Variants in ALG13 observed in about 807,000 individuals in gnomAD.
The protein encoded by ALG13 is ALG13 UDP-N-acetylglucosaminyltransferase subunit, also known as UDP-N-acetylglucosamine transferase subunit ALG13.
ALG13 carries 11 observed loss-of-function variants against 87.8 expected under a neutral mutation model. That is an observed-to-expected ratio of 0.13 (90% CI 0.08 to 0.21). ALG13 has a LOEUF of 0.21. Among genes scored for constraint, ALG13 ranks in the 10% least tolerant of loss-of-function variants. The pLI, the probability that ALG13 is intolerant of heterozygous loss-of-function variation, is 1.00. For synonymous variants in ALG13, 320 were observed against 306.3 expected (o/e 1.04, Z -0.47); for missense variants, 756 against 866.1 (o/e 0.87, Z 1.60).
In ALG13 at chrX:111,684,947, T is replaced by C; in HGVS notation, c.245-18T>C. 2.5e-6 allele frequency: 3 copies of C among 1,187,870 alleles called. No individual in the cohort carries two copies. The highest frequency in any genetic ancestry group is 3.4e-6 in the Non-Finnish European group (3 of 884,817). On this transcript the variant is annotated intron_variant, in intron 2 of 26. Transcript: ENST00000394780. ...CTTATTTCAAATTGTGTTGAACAAA[T>C]TTGATTTATATTTGTAGGTGCAGGA...
At chrX:111,728,048 T>C in intron 18 of ALG13, 137 bp from the exon 19 acceptor site, 1 of 837,521 alleles carries the variant, frequency 1.2e-6, no homozygotes. Flanking sequence ...ATGGAAAACA[T>C]TTAATTACAG....
chrX:111,687,256 A>G (rs937817785), intron 3 of ALG13, among the ~76,000 whole-genome samples: 4 of 112,674 alleles, frequency 3.6e-5, no homozygotes, highest in Non-Finnish European at 7.5e-5. Flanking sequence ...ATAATTGGTT[A>G]TATTTTCATT....
At chrX:111,683,324 C>CTTTT (rs1487158124) in intron 2 of ALG13, among the ~76,000 whole-genome samples, 4 of 93,283 alleles carry the variant, frequency 4.3e-5, no homozygotes, top group Admixed American at 2.3e-4. Context: ...TCCTTTCTTT[C>CTTTT]TATTTTTTTT....
chrX:111,690,914 C>T (rs1011813392), intron 3 of ALG13, among the ~76,000 whole-genome samples: 4 of 111,033 alleles, frequency 3.6e-5, no homozygotes, highest in East Asian at 2.8e-4. Context: ...GGTATAAGCA[C>T]GTAATTCCTC....
intron 21 of ALG13, among the ~76,000 whole-genome samples, chrX:111,732,795 C>T (rs1942839494): frequency 9.0e-6 from 1 of 111,694 alleles, no homozygotes; most frequent in African/African-American, 3.3e-5. Flanking sequence ...GTTCTTTCTC[C>T]TTCCCTTACT....
chrX:111,682,648 C>T (rs1179431074), intron 2 of ALG13, among the ~76,000 whole-genome samples: 1 of 112,017 alleles, frequency 8.9e-6, no homozygotes, highest in African/African-American at 3.3e-5. Context: ...CTGTAGTCCA[C>T]CTTTACAATA....
chrX:111,734,946 G>T (rs1943090882), intron 21 of ALG13, 105 bp from the exon 22 acceptor site: 8 of 542,793 alleles, frequency 1.5e-5, no homozygotes, highest in Non-Finnish European at 2.1e-5. Flanking sequence ...TTCCAAATTT[G>T]AATTTTTTCA....
Position 111,759,988 on chromosome X carries a change from C to T in ALG13, c.3403C>T (p.Gln1135Ter). Residue 1135 changes from glutamine to a stop codon, truncating the protein, a stop_gained, in exon 27 of 27, where the codon CAG (glutamine) becomes TAG (stop). Coordinates refer to ENST00000394780, the MANE Select transcript of ALG13 (RefSeq NM_001099922.3). LOFTEE classifies it high-confidence loss of function. ...TCCCCCAGCTTCTCATTATGTACCT[C>T]AGGGTATGTAAGATCCAGCAGTATG... ...PSPPASHYVP[Q>*]GM The T allele has an allele frequency of 1.7e-6, 2 of 1,210,715 alleles. No individual in the cohort carries two copies. The highest frequency in any genetic ancestry group is 2.2e-6 in the Non-Finnish European group (2 of 894,987).
intron 8 of ALG13, among the ~76,000 whole-genome samples, chrX:111,717,541 C>CTTTTT (rs773345817): frequency 6.2e-5 from 5 of 81,266 alleles, no homozygotes; most frequent in Admixed American, 1.3e-4. Context: ...CTAAGTGTTC[C>CTTTTT]TTTTTTTTTT....
rs750257151 is a variant in ALG13 at position 111,744,814 on chromosome X, G to A, written c.2842G>A (p.Asp948Asn). 21 of 1,165,896 alleles carry A rather than the reference G, an allele frequency of 1.8e-5. No homozygotes were observed. Among genetic ancestry groups the A allele is most frequent in the Non-Finnish European group, 2.4e-5 (21 of 874,806 alleles). ...TCCTCCTCCTCCTCCTCCTGCTCTTGATGTGGGAGAGACTTCAAACTTACA... is the reference window on the plus strand; with the variant it reads ...TCCTCCTCCTCCTCCTCCTGCTCTTAATGTGGGAGAGACTTCAAACTTACA... ...PPPPPPPPAL[D>N]VGETSNLQPP... Residue 948 changes from aspartate to asparagine, a missense_variant, in exon 24 of 27, where the codon GAT becomes AAT. Asp to Asn is a conservative substitution (Grantham distance 23). This residue lies in a region of ALG13 where 362 missense variants were observed against 383.5 expected (regional missense o/e 0.94). Transcript: ENST00000394780.
Position 111,728,299 on chromosome X carries a change from G to C in ALG13, c.2362G>C (p.Glu788Gln). 1 of 1,211,223 alleles carries C rather than the reference G, an allele frequency of 8.3e-7. No homozygotes were observed. Among genetic ancestry groups the C allele is most frequent in the Non-Finnish European group, 1.1e-6 (1 of 895,200 alleles). ...TTTAGAGGAGGGCAATGGCCAGAGTGAAAATGGTGAGTCAATTACAGTTAA... is the reference window on the plus strand; with the variant it reads ...TTTAGAGGAGGGCAATGGCCAGAGTCAAAATGGTGAGTCAATTACAGTTAA... ...LNLEEGNGQS[E>Q]NGRYHEEYLY... is the part of the protein sequence containing the mutation. Residue 788 changes from glutamate (E) to glutamine (Q), a missense_variant, in exon 19 of 27, where the codon GAA (glutamate) becomes CAA (glutamine). Glu to Gln is a conservative substitution (Grantham distance 29). Coordinates refer to ENST00000394780, the MANE Select transcript of ALG13 (RefSeq NM_001099922.3).
intron 2 of ALG13, among the ~76,000 whole-genome samples, chrX:111,682,680 G>A (rs1933757217): frequency 8.9e-6 from 1 of 112,069 alleles, no homozygotes; most frequent in Admixed American, 9.4e-5. Flanking sequence ...ACACAGAGGA[G>A]CAAAATAATT....
intron 23 of ALG13, among the ~76,000 whole-genome samples, chrX:111,737,235 G>T (rs748052895): frequency 9.0e-6 from 1 of 111,709 alleles, no homozygotes; most frequent in African/African-American, 3.3e-5. Context: ...TATAAAACAC[G>T]TTCCTTTGTA....
rs1270185996 is a variant in ALG13 at position 111,727,721 on chromosome X, C to A, written c.2198C>A (p.Thr733Asn). ...CCCAGGGGCTTGGAAGAAACTATTA[C>A]TTTTTATGAAGTTGAAGAAGGGGAT... Reference protein sequence around the residue: ...QMPRGLEETITFYEVEEGDET... With the variant: ...QMPRGLEETINFYEVEEGDET... Residue 733 changes from threonine (T) to asparagine (N), a missense_variant, in exon 18 of 27, where the codon ACT becomes AAT. Thr to Asn is a moderately conservative substitution (Grantham distance 65). Around this residue, in one of 9 missense-constraint regions of ALG13, gnomAD observed 362 missense variants for 383.5 expected, o/e 0.94. Transcript: ENST00000394780. 8.3e-7 allele frequency: 1 copy of A among 1,209,886 alleles called. No homozygotes were observed. Among genetic ancestry groups the A allele is most frequent in the South Asian group, 1.8e-5 (1 of 56,361 alleles).
intron 3 of ALG13, among the ~76,000 whole-genome samples, chrX:111,695,521 T>A (rs1280288889): frequency 1.9e-5 from 2 of 107,660 alleles, no homozygotes; most frequent in Admixed American, 9.9e-5. Context: ...GAAACTCTGT[T>A]TAAAAAAAAA....
At chrX:111,712,869 A>G (rs1228055802) in intron 7 of ALG13, among the ~76,000 whole-genome samples, 1 of 111,183 alleles carries the variant, frequency 9.0e-6, no homozygotes, top group East Asian at 2.8e-4. Flanking sequence ...TGAAATGCCT[A>G]TTTTCTAGCC....
rs1356668851 is a variant in ALG13, at chrX:111,718,039, G to T, written c.1088-73G>T. ...CTTGTTGGTACCTATTTGCACGCAG[G>T]ATTATGACTATTTTCACATAGTTAA... is the stretch of plus-strand genomic sequence containing the variant. On this transcript the variant is annotated intron_variant, in intron 9 of 26. Transcript: ENST00000394780. 8 of 1,093,115 alleles carry T rather than the reference G, an allele frequency of 7.3e-6. No homozygotes were observed. In the Admixed American group the frequency reaches 1.9e-4, roughly 26 times the overall value. 90.1% of individuals were successfully genotyped at this position (1,093,115 alleles called of 1,213,427 possible).
At chrX:111,757,254 ATAATT>A (rs776399563) in intron 25 of ALG13, 133 of 163,410 alleles carry the variant, frequency 8.1e-4, no homozygotes, top group Middle Eastern at 2.2e-3. Flanking sequence ...TTACGGGTAT[ATAATT>A]TATCCAGTTC....
rs1051436496 is a variant in ALG13 at position 111,760,564 on chromosome X, A to G, written c.*565A>G. 5.3e-5 allele frequency: 6 copies of G among 113,334 alleles called. No individual in the cohort carries two copies. The highest frequency in any genetic ancestry group is 1.9e-4 in the African/African-American group (6 of 31,003). The allele number at this position is 113,334 out of a possible 1,213,427, so 9.3% of individuals were successfully genotyped here. ...TATGCTATTGTTTAATACTGGATGT[A>G]TGTAAGTGTTTTACTGCACTGTATT... On this transcript the variant is annotated 3_prime_UTR_variant, in exon 27 of 27. Transcript: ENST00000394780.
Sources: gnomAD v4.1 joint callset for allele counts (sites outside exome capture counted in the v4.1 genomes callset) on GRCh38, gnomAD v4.1.1 for gene constraint, gnomAD v4.1.1 regional missense constraint, MANE v1.5 for transcripts, NCBI Gene and HGNC (gene_info 2026-07-23, HGNC 2026-07-21) for gene names.